APBA2: variants seen among roughly 807,000 people sequenced by gnomAD.
APBA2 encodes the protein amyloid beta precursor protein binding family A member 2, also known as amyloid-beta A4 precursor protein-binding family A member 2.
A neutral mutation model predicts 75.0 loss-of-function variants in APBA2; 30 were observed. The observed-to-expected ratio is 0.40, with a 90% confidence interval of 0.30 to 0.54. The LOEUF (loss-of-function observed/expected upper bound fraction) is 0.54, where lower values mean the gene tolerates loss of function less well. Among genes scored for constraint, APBA2 ranks in the 20% least tolerant of loss-of-function variants. APBA2 has a pLI of 0.49. For missense variants in APBA2, 801 were observed against 1,016.1 expected (o/e 0.79, Z 2.88); for synonymous variants, 444 against 409.6 (o/e 1.08, Z -1.01).
chr15:29,101,003 GT>G (rs1212074685), intron 9 of APBA2, among the ~76,000 whole-genome samples: 1 of 152,168 alleles, frequency 6.6e-6, no homozygotes, highest in Non-Finnish European at 1.5e-5. Context: ...CTCAACCAGT[GT>G]GATTTTTGTC....
chr15:28,969,153 T>C (rs576452899), intron 2 of APBA2, among the ~76,000 whole-genome samples: 1 of 76,808 alleles, frequency 1.3e-5, no homozygotes, highest in African/African-American at 4.4e-4. Flanking sequence ...TCTTTCTTTC[T>C]TTCTTTCTTT....
intron 2 of APBA2, among the ~76,000 whole-genome samples, chr15:28,947,357 G>C (rs1240314442): frequency 1.3e-5 from 2 of 152,184 alleles, no homozygotes; most frequent in Admixed American, 1.3e-4. Context: ...CCTCGTGGGC[G>C]TGGCCTGGTG....
At chr15:28,976,205 C>T (rs941222467) in intron 2 of APBA2, among the ~76,000 whole-genome samples, 2 of 152,216 alleles carry the variant, frequency 1.3e-5, no homozygotes, top group African/African-American at 4.8e-5. Context: ...GACCTGGTAT[C>T]CAGCAACCTT....
At chr15:28,897,024 C>G (rs891362549) in intron 1 of APBA2, among the ~76,000 whole-genome samples, 1 of 152,180 alleles carries the variant, frequency 6.6e-6, no homozygotes, top group African/African-American at 2.4e-5. Flanking sequence ...TTGGACACAA[C>G]TGGACCTCAC....
At chr15:29,037,056 TAAATTATTTAAAATA>T (rs999989898) in intron 3 of APBA2, among the ~76,000 whole-genome samples, 13 of 152,088 alleles carry the variant, frequency 8.5e-5, no homozygotes, top group South Asian at 6.2e-4. Flanking sequence ...TAAATAAAGT[TAAATTATTTAAAATA>T]AAATTATTTA....
At chr15:29,005,327 C>T (rs1208747658) in intron 3 of APBA2, among the ~76,000 whole-genome samples, 1 of 152,106 alleles carries the variant, frequency 6.6e-6, no homozygotes, top group Non-Finnish European at 1.5e-5. Flanking sequence ...GTGCTGCAAT[C>T]TCAGCTCACT....
intron 2 of APBA2, among the ~76,000 whole-genome samples, chr15:28,964,095 T>TTATGAACCC (rs1566849292): frequency 6.6e-6 from 1 of 152,254 alleles, no homozygotes; most frequent in Non-Finnish European, 1.5e-5. Context: ...TTTGGGGCTG[T>TTATGAACCC]TATGAACCCA....
At chr15:28,957,999 AT>A (rs2036266437) in intron 2 of APBA2, among the ~76,000 whole-genome samples, 1 of 152,202 alleles carries the variant, frequency 6.6e-6, no homozygotes, top group African/African-American at 2.4e-5. Context: ...GCGGGGGAGC[AT>A]TTGGAGGACG....
intron 1 of APBA2, among the ~76,000 whole-genome samples, chr15:28,893,584 T>C (rs540396540): frequency 4.1e-4 from 62 of 152,338 alleles, no homozygotes; most frequent in African/African-American, 1.4e-3. Context: ...CAGCTCCTAG[T>C]AGAAGTGCCT....
intron 3 of APBA2, among the ~76,000 whole-genome samples, chr15:29,007,536 A>G (rs1168313429): frequency 1.3e-5 from 2 of 152,238 alleles, no homozygotes; most frequent in Non-Finnish European, 2.9e-5. Context: ...TAACATAAAA[A>G]GAAGCCACCT....
intron 2 of APBA2, among the ~76,000 whole-genome samples, chr15:28,936,523 C>T (rs964596257): frequency 4.6e-5 from 7 of 151,968 alleles, no homozygotes; most frequent in African/African-American, 1.2e-4. Context: ...CAGTGTATTT[C>T]GCAGAAGTGA....
chr15:28,897,182 GACACAC>G (rs368122549), intron 1 of APBA2, among the ~76,000 whole-genome samples: 22 of 148,146 alleles, frequency 1.5e-4, no homozygotes, highest in African/African-American at 2.5e-4. Context: ...CAAAAGACAC[GACACAC>G]ACACACACAC....
rs2042778797 is a variant in APBA2, at chr15:29,074,854, A to G, written c.952-67A>G. On this transcript the variant is annotated intron_variant, in intron 4 of 14. Transcript: ENST00000683413. ...TTTACAAAATTGTATCACATTGCAT[A>G]TTCAGGTTTTGCATCTTGCATTTCT... 2.1e-6 allele frequency: 3 copies of G among 1,447,568 alleles called. No homozygotes were observed. The South Asian group carries it at 3.5e-5, about 17-fold the overall frequency. 89.7% of individuals were successfully genotyped at this position (1,447,568 alleles called of 1,614,324 possible). A position where few individuals can be genotyped will look rare whatever the true frequency, so the allele number is the denominator to read the frequency against.
At chr15:28,950,490 G>A (rs528852684) in intron 2 of APBA2, among the ~76,000 whole-genome samples, 1 of 152,196 alleles carries the variant, frequency 6.6e-6, no homozygotes, top group South Asian at 2.1e-4. Context: ...AGCCAGGCGT[G>A]GTGGTGGGCA....
intron 4 of APBA2, chr15:29,070,786 G>A (rs1297312302): frequency 2.6e-5 from 7 of 267,124 alleles, no homozygotes; most frequent in East Asian, 1.1e-4. Context: ...GGTCTCGGCC[G>A]CCCCTTCTGA....
chr15:29,081,905 G>T (rs1384154384), intron 6 of APBA2, among the ~76,000 whole-genome samples: 6 of 152,240 alleles, frequency 3.9e-5, no homozygotes, highest in Non-Finnish European at 1.5e-5. Flanking sequence ...TCCTGGCTAT[G>T]GCAGGGGTAC....
intron 2 of APBA2, among the ~76,000 whole-genome samples, chr15:28,994,891 C>G (rs1365872968): frequency 6.6e-6 from 1 of 152,186 alleles, no homozygotes; most frequent in African/African-American, 2.4e-5. Context: ...GTGAAGGGCT[C>G]GCAGCCTGGC....
intron 3 of APBA2, among the ~76,000 whole-genome samples, chr15:29,047,107 G>A (rs2152875482): frequency 6.6e-6 from 1 of 152,282 alleles, no homozygotes; most frequent in East Asian, 1.9e-4. Context: ...CTTGCCCCAG[G>A]CCTCACAGTA....
chr15:29,029,959 T>A (rs961290611), intron 3 of APBA2, among the ~76,000 whole-genome samples: 3 of 152,188 alleles, frequency 2.0e-5, no homozygotes, highest in African/African-American at 7.2e-5. Context: ...CCACGCGGGC[T>A]ACATGGGGTT....
Sources: gnomAD v4.1 joint callset for allele counts (sites outside exome capture counted in the v4.1 genomes callset) on GRCh38, gnomAD v4.1.1 for gene constraint, MANE v1.5 for transcripts, NCBI Gene and HGNC (gene_info 2026-07-23, HGNC 2026-07-21) for gene names.